The following CIB2 variants were observed in gnomAD, a reference collection of about 807,000 sequenced individuals.
CIB2 encodes calcium and integrin-binding family member 2.
A neutral mutation model predicts 23.1 loss-of-function variants in CIB2; 19 were observed. The observed-to-expected ratio is 0.82, with a 90% CI of 0.57 to 1.21. CIB2 has a LOEUF of 1.21. CIB2 is among the 50% of genes most tolerant of loss of function. The probability of loss-of-function intolerance (pLI) is 0.00; values close to 1 mark genes in which losing one functional copy is unlikely to be tolerated. For synonymous variants in CIB2, 94 were observed against 91.7 expected (o/e 1.03, Z -0.14); for missense variants, 220 against 241.5 (o/e 0.91, Z 0.59).
chr15:78,109,785 C>T (rs552844783), intron 3 of CIB2, among the ~76,000 whole-genome samples: 6 of 126,502 alleles, frequency 4.7e-5, no homozygotes, highest in Non-Finnish European at 9.4e-5. Flanking sequence ...CCAGCCTGGG[C>T]GACAGAGCAA....
chr15:78,105,139 A>T lies in CIB2; in HGVS notation c.*172T>A. The T allele has an allele frequency of 1.1e-6, 1 of 898,454 alleles. No individual in the cohort carries two copies. Among genetic ancestry groups the T allele is most frequent in the Non-Finnish European group, 1.7e-6 (1 of 598,310 alleles). The allele number at this position is 898,454 out of a possible 1,614,324, so 55.7% of individuals were successfully genotyped here. A position where few individuals can be genotyped will look rare whatever the true frequency, so the allele number is the denominator to read the frequency against. On this transcript the variant is annotated 3_prime_UTR_variant, in exon 6 of 6. Coordinates refer to ENST00000258930, the MANE Select transcript of CIB2 (RefSeq NM_006383.4). The stretch of plus-strand genomic sequence containing the variant: ...GGCTGTGGGAAGGGTCCTAACCTTC[A>T]CAGGCCCCCTTCCTGGTTAAGGTTT...
chr15:78,118,247 T>C (rs537675529), intron 2 of CIB2, among the ~76,000 whole-genome samples: 5 of 152,282 alleles, frequency 3.3e-5, no homozygotes, highest in African/African-American at 1.2e-4. Flanking sequence ...GTGATTATCT[T>C]GGGTAGTAGG....
chr15:78,117,283 T>TAAAAAAAAAAAAAA (rs1265422874), intron 2 of CIB2, among the ~76,000 whole-genome samples: 18 of 133,470 alleles, frequency 1.3e-4, no homozygotes, highest in East Asian at 4.4e-4. Context: ...AAAGTTTGTT[T>TAAAAAAAAAAAAAA]AAAAGAATAA....
intron 1 of CIB2, among the ~76,000 whole-genome samples, chr15:78,129,743 C>A (rs908917155): frequency 6.6e-6 from 1 of 152,172 alleles, no homozygotes; most frequent in Non-Finnish European, 1.5e-5. Flanking sequence ...TGGCCCAGCC[C>A]AGCCCACTCC....
intron 4 of CIB2, among the ~76,000 whole-genome samples, chr15:78,108,380 C>T (rs935683055): frequency 6.6e-6 from 1 of 152,182 alleles, no homozygotes; most frequent in African/African-American, 2.4e-5. Flanking sequence ...GGCATCTCAA[C>T]TGAGGTCTAT....
intron 2 of CIB2, among the ~76,000 whole-genome samples, chr15:78,117,506 A>T (rs1194401960): frequency 1.3e-5 from 2 of 152,210 alleles, no homozygotes; most frequent in Admixed American, 6.6e-5. Flanking sequence ...GAAAAGATTA[A>T]TTCCTCTGAA....
At chr15:78,106,660 C>G (rs1418106601) in intron 4 of CIB2, among the ~76,000 whole-genome samples, 1 of 152,170 alleles carries the variant, frequency 6.6e-6, no homozygotes, top group Non-Finnish European at 1.5e-5. Flanking sequence ...ACTACCAGAT[C>G]TGCGCATGTG....
intron 4 of CIB2, among the ~76,000 whole-genome samples, chr15:78,108,492 T>C (rs2074104124): frequency 6.6e-6 from 1 of 151,970 alleles, no homozygotes. Flanking sequence ...GAAGCATGAG[T>C]CCTTGGCTCA....
chr15:78,117,867 T>C (rs774645959), intron 2 of CIB2, among the ~76,000 whole-genome samples: 6 of 152,300 alleles, frequency 3.9e-5, no homozygotes, highest in Non-Finnish European at 7.4e-5. Context: ...AAAAAGCATA[T>C]AACAGCAGTG....
At chr15:78,128,694 CAA>C (rs531565613) in intron 1 of CIB2, among the ~76,000 whole-genome samples, 10 of 54,482 alleles carry the variant, frequency 1.8e-4, no homozygotes, top group Non-Finnish European at 2.3e-4. Flanking sequence ...GACTCCGTCT[CAA>C]AAAAAAAAAA....
At chr15:78,108,261 A>G (rs1340392955) in intron 4 of CIB2, among the ~76,000 whole-genome samples, 1 of 151,674 alleles carries the variant, frequency 6.6e-6, no homozygotes, top group East Asian at 1.9e-4. Flanking sequence ...AGCCCCTGAT[A>G]GGCCCTGCTG....
In CIB2 at chr15:78,123,635, T is replaced by C. The variant is rs1596361297; in HGVS notation, c.86+70A>G. On this transcript the variant is annotated intron_variant, in intron 2 of 5. Coordinates refer to ENST00000258930, the MANE Select transcript of CIB2 (RefSeq NM_006383.4). Reference sequence around the variant, plus strand: ...CAGCCCCAGGAGCACAGCCAGCCCATGTGGGGTGCCCCAGCCTCACCCCGG... The same window carrying C: ...CAGCCCCAGGAGCACAGCCAGCCCACGTGGGGTGCCCCAGCCTCACCCCGG... 3.9e-6 allele frequency: 6 copies of C among 1,523,748 alleles called. No individual in the cohort carries two copies. In the East Asian group the frequency reaches 6.7e-5, roughly 17 times the overall value. 94.4% of individuals were successfully genotyped at this position (1,523,748 alleles called of 1,614,324 possible).
chr15:78,118,459 C>G (rs541169219), intron 2 of CIB2, among the ~76,000 whole-genome samples: 1 of 151,872 alleles, frequency 6.6e-6, no homozygotes, highest in Non-Finnish European at 1.5e-5. Context: ...CCTGGTGGCG[C>G]GTGCCTATAA....
rs199794998 is a variant in CIB2 at position 78,105,798 on chromosome 15, G to A, written c.483C>T (p.Asp161=). The change falls in exon 5 of 6, where the codon GAC becomes GAT. Residue 161 remains aspartate (D), a synonymous_variant. Transcript: ENST00000258930. ...CGAAGTCAGCAAAGCCCAGCTTGCC[G>A]TCACCGTCCAAGTCAGCCTCCTCAA... ...KVIEEADLDG[D]GKLGFADFED... 251 of 1,614,204 alleles carry A rather than the reference G, an allele frequency of 1.6e-4. No homozygotes were observed. The highest frequency in any genetic ancestry group is 1.8e-4 in the Non-Finnish European group (213 of 1,180,034).
chr15:78,122,274 C>T (rs752639757), intron 2 of CIB2, among the ~76,000 whole-genome samples: 14 of 152,114 alleles, frequency 9.2e-5, no homozygotes, highest in Non-Finnish European at 1.8e-4. Context: ...AGAGGAGAGG[C>T]GAAGGACACT....
Position 78,120,479 on chromosome 15 carries a change from T to C in CIB2, c.86+3226A>G, listed in dbSNP as rs573773659. The C allele has an allele frequency of 2.1e-5, 19 of 913,470 alleles. No individual in the cohort carries two copies. In the South Asian group the frequency reaches 7.6e-4, roughly 36 times the overall value. The allele number at this position is 913,470 out of a possible 1,614,324, so 56.6% of individuals were successfully genotyped here. A position where few individuals can be genotyped will look rare whatever the true frequency, so the allele number is the denominator to read the frequency against. Reference sequence around the variant, plus strand: ...AGTGCTGGCTGGGTGGGCCTCTCTGTGTACCAAGGGGACAAGGACTACTGT... The same window carrying C: ...AGTGCTGGCTGGGTGGGCCTCTCTGCGTACCAAGGGGACAAGGACTACTGT... On this transcript the variant is annotated intron_variant, in intron 2 of 5. Transcript: ENST00000258930.
At chr15:78,107,787 G>T (rs550912478) in intron 4 of CIB2, among the ~76,000 whole-genome samples, 1 of 152,248 alleles carries the variant, frequency 6.6e-6, no homozygotes, top group Admixed American at 6.5e-5. Flanking sequence ...GTGGAGGGCA[G>T]ACTGGCAGGT....
intron 4 of CIB2, among the ~76,000 whole-genome samples, chr15:78,107,935 G>A (rs2074095594): frequency 6.6e-6 from 1 of 152,160 alleles, no homozygotes; most frequent in Admixed American, 6.5e-5. Context: ...ACTTTGGGAG[G>A]CCAAGGCAGG....
intron 1 of CIB2, among the ~76,000 whole-genome samples, chr15:78,125,474 C>G (rs889805019): frequency 6.6e-6 from 1 of 152,128 alleles, no homozygotes; most frequent in Non-Finnish European, 1.5e-5. Context: ...AAGGAACTAT[C>G]CAGGTCCTGA....
Sources: allele counts gnomAD v4.1 joint callset (sites outside exome capture counted in the v4.1 genomes callset), GRCh38; gene constraint gnomAD v4.1.1; transcripts MANE v1.5; gene names NCBI Gene and HGNC (gene_info 2026-07-23, HGNC 2026-07-21).